SLC8A1: variants seen among roughly 807,000 people sequenced by gnomAD.
The protein encoded by SLC8A1 is sodium/calcium exchanger 1.
In SLC8A1, 18 loss-of-function variants were observed where a neutral mutation model predicts 68.3. The observed-to-expected ratio is 0.26, with a 90% CI of 0.18 to 0.39. SLC8A1 has a LOEUF of 0.39. Ranked by LOEUF, SLC8A1 falls within the 10% of genes least tolerant of loss-of-function variation. SLC8A1 has a pLI of 1.00. For synonymous variants in SLC8A1, 475 were observed against 415.5 expected, an observed-to-expected ratio of 1.14 and a Z score of -1.74; for missense variants, 985 against 1,156.7, an observed-to-expected ratio of 0.85 and a Z score of 2.15.
chr2:40,199,035 T>C (rs908812608), intron 2 of SLC8A1, among the ~76,000 whole-genome samples: 8 of 151,552 alleles, frequency 5.3e-5, no homozygotes, highest in Non-Finnish European at 8.8e-5. Context: ...TATTTTAAAA[T>C]CCTATAGTAA....
chr2:40,328,268 C>G (rs892023083), intron 2 of SLC8A1, among the ~76,000 whole-genome samples: 2 of 152,184 alleles, frequency 1.3e-5, no homozygotes, highest in African/African-American at 4.8e-5. Flanking sequence ...CACATAGACT[C>G]CCCAAGGATC....
intron 2 of SLC8A1, among the ~76,000 whole-genome samples, chr2:40,352,937 C>A (rs1029574534): frequency 2.6e-5 from 4 of 152,014 alleles, no homozygotes; most frequent in Non-Finnish European, 5.9e-5. Context: ...CTACGAGAAA[C>A]CAGGGAGGGT....
chr2:40,403,911 T>C (rs1001144967), intron 2 of SLC8A1, among the ~76,000 whole-genome samples: 1 of 152,184 alleles, frequency 6.6e-6, no homozygotes, highest in Non-Finnish European at 1.5e-5. Flanking sequence ...AGTAAAAAGC[T>C]TTTTTTCTGA....
intron 2 of SLC8A1, among the ~76,000 whole-genome samples, chr2:40,223,380 A>G (rs2058587021): frequency 1.3e-5 from 2 of 152,068 alleles, no homozygotes; most frequent in Non-Finnish European, 2.9e-5. Context: ...GTGGGGAGCT[A>G]AAGGAGGGAT....
At chr2:40,503,385 T>C (rs1706166457) in intron 1 of SLC8A1, among the ~76,000 whole-genome samples, 1 of 151,990 alleles carries the variant, frequency 6.6e-6, no homozygotes, top group African/African-American at 2.4e-5. Flanking sequence ...TAAATGAACT[T>C]GGTATAGTGA....
chr2:40,228,218 A>T (rs761542749), intron 2 of SLC8A1, among the ~76,000 whole-genome samples: 3 of 152,316 alleles, frequency 2.0e-5, no homozygotes, highest in Admixed American at 2.0e-4. Context: ...CCAAGCTTTG[A>T]CATCATATAC....
intron 2 of SLC8A1, among the ~76,000 whole-genome samples, chr2:40,336,925 T>C (rs913090869): frequency 2.6e-5 from 4 of 152,190 alleles, no homozygotes; most frequent in Non-Finnish European, 5.9e-5. Flanking sequence ...TAATGCTTAC[T>C]TTATAGAGGT....
At chr2:40,405,028 C>T (rs1373973746) in intron 2 of SLC8A1, among the ~76,000 whole-genome samples, 1 of 152,112 alleles carries the variant, frequency 6.6e-6, no homozygotes, top group African/African-American at 2.4e-5. Flanking sequence ...AACCACTGAG[C>T]AGGTCCATGC....
chr2:40,428,863 T>C (rs767201140), exon 2 of SLC8A1: 1 of 1,613,860 alleles, frequency 6.2e-7, no homozygotes, highest in South Asian at 1.1e-5. Flanking sequence ...TCTGATTTCC[T>C]TCTGGGTATC....
intron 2 of SLC8A1, among the ~76,000 whole-genome samples, chr2:40,248,175 C>G (rs908095504): frequency 7.2e-5 from 11 of 152,176 alleles, no homozygotes; most frequent in Non-Finnish European, 1.5e-4. Context: ...TGAATGTTCT[C>G]AACTATGGAT....
intron 4 of SLC8A1, among the ~76,000 whole-genome samples, chr2:40,171,249 A>G (rs2047436657): frequency 1.3e-5 from 2 of 152,158 alleles, no homozygotes; most frequent in Admixed American, 1.3e-4. Flanking sequence ...TGATGAAAAC[A>G]TTTTCAACTG....
chr2:40,277,792 GTGTATATATATATA>G (rs1324307232), intron 2 of SLC8A1, among the ~76,000 whole-genome samples: 1,009 of 92,174 alleles, frequency 0.011, 24 homozygotes, highest in African/African-American at 0.045. Context: ...ATATATATGT[GTGTATATATATATA>G]TATATATATA....
At chr2:40,339,278 A>G (rs1666968873) in intron 2 of SLC8A1, among the ~76,000 whole-genome samples, 1 of 152,226 alleles carries the variant, frequency 6.6e-6, no homozygotes, top group Non-Finnish European at 1.5e-5. Flanking sequence ...TATTCTGTTT[A>G]AAGATGACCA....
chr2:40,321,246 A>G (rs1487882243), intron 2 of SLC8A1, among the ~76,000 whole-genome samples: 1 of 151,910 alleles, frequency 6.6e-6, no homozygotes, highest in Non-Finnish European at 1.5e-5. Context: ...ATGGACAAAC[A>G]TCTGTTAAGG....
At chr2:40,474,055 C>T (rs540838065) in intron 1 of SLC8A1, among the ~76,000 whole-genome samples, 16 of 152,202 alleles carry the variant, frequency 1.1e-4, no homozygotes, top group African/African-American at 3.9e-4. Flanking sequence ...AAGATTATTC[C>T]TTCTGCTGTC....
At chr2:40,263,606 G>T (rs2064986085) in intron 2 of SLC8A1, among the ~76,000 whole-genome samples, 1 of 152,070 alleles carries the variant, frequency 6.6e-6, no homozygotes, top group Non-Finnish European at 1.5e-5. Flanking sequence ...AAGGGGAAAG[G>T]ACTCCCTGTT....
intron 2 of SLC8A1, among the ~76,000 whole-genome samples, chr2:40,217,501 G>A (rs939820109): frequency 2.6e-5 from 4 of 152,036 alleles, no homozygotes; most frequent in African/African-American, 9.7e-5. Context: ...TTTCTTGGAT[G>A]CTTCTCTTCT....
rs187661596 is a variant in SLC8A1 at position 40,459,283 on chromosome 2, G to A, written c.-24-28979C>T. On this transcript the variant is annotated intron_variant, in intron 1 of 7. Transcript: ENST00000402441. The stretch of plus-strand genomic sequence containing the variant: ...AGTACTAGTTTAGGTGGTCAGTTCT[G>A]CAGAGACTTGAATTAAGATTTCCTG... Among the ~76,000 whole-genome samples the A allele has an allele frequency of 1.5e-3, 231 of 152,324 alleles. 2 individuals carry two copies. Among genetic ancestry groups the A allele is most frequent in the African/African-American group, 5.2e-3 (215 of 41,574 alleles).
intron 1 of SLC8A1, among the ~76,000 whole-genome samples, chr2:40,481,997 C>G (rs185769873): frequency 6.6e-6 from 1 of 152,254 alleles, no homozygotes; most frequent in East Asian, 1.9e-4. Context: ...TTGATAAAAA[C>G]AGAGATTTGT....
Sources: allele counts gnomAD v4.1 joint callset (sites outside exome capture counted in the v4.1 genomes callset), GRCh38; gene constraint gnomAD v4.1.1; transcripts MANE v1.5; gene names NCBI Gene and HGNC (gene_info 2026-07-23, HGNC 2026-07-21).